Variants in LMBRD1 observed in about 807,000 individuals in gnomAD.
The protein encoded by LMBRD1 is lysosomal cobalamin transport escort protein LMBD1.
Under a neutral mutation model 74.8 loss-of-function variants are expected in LMBRD1, and 64 were observed. The observed-to-expected ratio is 0.86, with a 90% CI of 0.70 to 1.05. The LOEUF is 1.05. Among genes scored for constraint, LMBRD1 ranks in the 50% least tolerant of loss-of-function variants. LMBRD1 has a pLI of 0.00. For missense variants in LMBRD1, 652 were observed against 645.9 expected, an observed-to-expected ratio of 1.01 and a Z score of -0.10; for synonymous variants, 204 against 216.3, an observed-to-expected ratio of 0.94 and a Z score of 0.50.
At chr6:69,687,592 G>A (rs1035483854) in intron 14 of LMBRD1, among the ~76,000 whole-genome samples, 1 of 152,020 alleles carries the variant, frequency 6.6e-6, no homozygotes, top group African/African-American at 2.4e-5. Flanking sequence ...AGAATTTCAC[G>A]ACTAACAGGA....
chr6:69,764,364 G>A (rs1765436862), intron 3 of LMBRD1, among the ~76,000 whole-genome samples: 1 of 152,028 alleles, frequency 6.6e-6, no homozygotes, highest in African/African-American at 2.4e-5. Flanking sequence ...TATGCCATGT[G>A]AGGACACTGC....
intron 3 of LMBRD1, among the ~76,000 whole-genome samples, chr6:69,777,396 T>G (rs983091859): frequency 6.9e-5 from 10 of 144,804 alleles, no homozygotes; most frequent in African/African-American, 2.6e-4. Flanking sequence ...GAGGTTGCAG[T>G]GAGCCGAGAC....
chr6:69,779,361 A>G (rs538901745), intron 3 of LMBRD1, among the ~76,000 whole-genome samples: 44 of 152,266 alleles, frequency 2.9e-4, no homozygotes, highest in South Asian at 1.5e-3. Flanking sequence ...TTTTTTATAA[A>G]ACACAAGTTT....
At chr6:69,771,237 C>G (rs576019173) in intron 3 of LMBRD1, among the ~76,000 whole-genome samples, 3 of 152,340 alleles carry the variant, frequency 2.0e-5, no homozygotes, top group African/African-American at 7.2e-5. Flanking sequence ...CAAGGCTTGA[C>G]TGGGGAAGAA....
intron 12 of LMBRD1, 52 bp downstream of exon 12, chr6:69,700,713 G>A: frequency 2.5e-6 from 3 of 1,178,286 alleles, no homozygotes; most frequent in Admixed American, 2.7e-5. Flanking sequence ...TGTAATTATG[G>A]AGATCACACA....
intron 11 of LMBRD1, 83 bp from the exon 12 acceptor site, chr6:69,700,952 T>G (rs879005283): frequency 1.1e-6 from 1 of 931,642 alleles, no homozygotes; most frequent in Admixed American, 3.5e-5. Context: ...AAAACTTCAT[T>G]ATTCTCATCC....
chr6:69,718,753 C>A (rs1318400205), intron 8 of LMBRD1, among the ~76,000 whole-genome samples: 2 of 152,156 alleles, frequency 1.3e-5, no homozygotes, highest in Non-Finnish European at 2.9e-5. Flanking sequence ...CCCACTGGGT[C>A]CCTCCCACAA....
intron 2 of LMBRD1, among the ~76,000 whole-genome samples, 199 bp downstream of exon 2, chr6:69,790,097 C>T (rs1310741771): frequency 2.0e-5 from 3 of 152,178 alleles, no homozygotes; most frequent in African/African-American, 7.2e-5. Context: ...ATTTGCAGGG[C>T]GGCTGAATTA....
chr6:69,719,020 T>C lies in LMBRD1; in HGVS notation c.698A>G (p.Glu233Gly). ...AATGTCTTCAGTGTTTTCCAAACGT[T>C]CATAAGCAGCGCTTCTAGTGCCTTT... ...LIKGTRSAAY[E>G]RLENTEDIEE... The change falls in exon 8 of 16, where the codon GAA becomes GGA. Residue 233 changes from glutamate to glycine, a missense_variant. By Grantham distance (98) the Glu-to-Gly change is moderately conservative (BLOSUM62 -2). This residue lies in a region of LMBRD1 where 598 missense variants were observed against 581.8 expected (regional missense o/e 1.03). Coordinates refer to ENST00000649934, the MANE Select transcript of LMBRD1 (RefSeq NM_018368.4). The C allele has an allele frequency of 1.2e-6, 2 of 1,613,318 alleles. No homozygotes were observed. Among genetic ancestry groups the C allele is most frequent in the Non-Finnish European group, 1.7e-6 (2 of 1,179,472 alleles).
At chr6:69,760,125 T>A (rs1163732089) in intron 3 of LMBRD1, among the ~76,000 whole-genome samples, 2 of 152,182 alleles carry the variant, frequency 1.3e-5, no homozygotes, top group Non-Finnish European at 2.9e-5. Flanking sequence ...TAACTTATGA[T>A]CTATCCGTTT....
chr6:69,683,944 T>C (rs1335037452), intron 14 of LMBRD1, among the ~76,000 whole-genome samples: 1 of 152,082 alleles, frequency 6.6e-6, no homozygotes, highest in Non-Finnish European at 1.5e-5. Flanking sequence ...CCCAGATGCA[T>C]GCACAGAGTT....
chr6:69,794,675 C>T (rs1440301654), intron 1 of LMBRD1, among the ~76,000 whole-genome samples: 1 of 152,192 alleles, frequency 6.6e-6, no homozygotes, highest in East Asian at 1.9e-4. Flanking sequence ...CTTACATCCA[C>T]AAGTATGAGC....
intron 8 of LMBRD1, among the ~76,000 whole-genome samples, chr6:69,718,629 AAGG>A (rs1766545434): frequency 6.6e-6 from 1 of 152,200 alleles, no homozygotes; most frequent in South Asian, 2.1e-4. Context: ...TGGCGGCAGG[AAGG>A]AGAAGTGCCA....
intron 7 of LMBRD1, among the ~76,000 whole-genome samples, chr6:69,725,220 A>G (rs2149860564): frequency 6.6e-6 from 1 of 152,196 alleles, no homozygotes; most frequent in East Asian, 1.9e-4. Flanking sequence ...AGACACCAAA[A>G]AAATGAAGAA....
At position 69,783,632 on chromosome 6, in the gene LMBRD1, C is replaced by T. The variant is rs564789586; in HGVS notation, c.247-3078G>A. Among the ~76,000 whole-genome samples the T allele has an allele frequency of 2.6e-5, 4 of 152,326 alleles. No homozygotes were observed. The East Asian group carries it at 5.8e-4, about 22-fold the overall frequency. ...TCAAGTGATCTGCCTGCCTCAGCCT[C>T]TAGGTTTACAGGTGTGAGCCACCAT... On this transcript the variant is annotated intron_variant, in intron 2 of 15. Transcript: ENST00000649934.
In LMBRD1 at chr6:69,676,448, A is replaced by AC. The variant is rs767831881; in HGVS notation, c.1509+1dup. ...AATCACGCGTGGGATATCTGCACTT[A>AC]CCCCAAGAAAGGCCCAGTTACCAAA... On this transcript the variant is annotated splice_donor_variant, in intron 15 of 15. Coordinates refer to ENST00000649934, the MANE Select transcript of LMBRD1 (RefSeq NM_018368.4). LOFTEE classifies it high-confidence loss of function. The AC allele has an allele frequency of 6.2e-7, 1 of 1,611,842 alleles. No homozygotes were observed. Among genetic ancestry groups the AC allele is most frequent in the Non-Finnish European group, 8.5e-7 (1 of 1,178,116 alleles).
At chr6:69,680,248 T>C (rs1277992625) in intron 14 of LMBRD1, among the ~76,000 whole-genome samples, 1 of 152,186 alleles carries the variant, frequency 6.6e-6, no homozygotes, top group Non-Finnish European at 1.5e-5. Flanking sequence ...GTTTAAGTAT[T>C]ACTTTAGCTT....
chr6:69,746,892 A>C (rs1256686281), intron 5 of LMBRD1: 1 of 152,746 alleles, frequency 6.5e-6, no homozygotes, highest in Non-Finnish European at 1.5e-5. Context: ...CACAACAGGG[A>C]GAGAGAGGCC....
At chr6:69,732,668 T>A (rs1766884300) in intron 7 of LMBRD1, among the ~76,000 whole-genome samples, 2 of 152,218 alleles carry the variant, frequency 1.3e-5, no homozygotes, top group African/African-American at 4.8e-5. Flanking sequence ...AAGATTAGCA[T>A]AATAATATGT....
Sources: allele counts gnomAD v4.1 joint callset (sites outside exome capture counted in the v4.1 genomes callset), GRCh38; gene constraint gnomAD v4.1.1; regional missense constraint gnomAD v4.1.1; transcripts MANE v1.5; gene names NCBI Gene and HGNC (gene_info 2026-07-23, HGNC 2026-07-21).